The following CMYA5 variants were observed in gnomAD, a reference collection of about 807,000 sequenced individuals.
CMYA5 encodes the protein cardiomyopathy associated 5, also known as cardiomyopathy-associated protein 5.
A neutral mutation model predicts 318.9 loss-of-function variants in CMYA5; 246 were observed. The ratio of observed to expected loss-of-function variants is 0.77; its 90% CI spans 0.70 to 0.86. The LOEUF is 0.86. CMYA5 is among the 40% of genes least tolerant of loss of function. CMYA5 has a pLI of 0.00. For synonymous variants in CMYA5, 1,641 were observed against 1,729.5 expected (o/e 0.95, Z 1.27); for missense variants, 4,589 against 4,678.2 (o/e 0.98, Z 0.56).
At chr5:79,727,820 A>G (rs1480514939) in intron 1 of CMYA5, among the ~76,000 whole-genome samples, 1 of 152,188 alleles carries the variant, frequency 6.6e-6, no homozygotes, top group Non-Finnish European at 1.5e-5. Flanking sequence ...ATGGGGGCCC[A>G]ATAGCAAATG....
At chr5:79,691,546 A>G (rs1342661147) in intron 1 of CMYA5, among the ~76,000 whole-genome samples, 1 of 152,212 alleles carries the variant, frequency 6.6e-6, no homozygotes, top group Non-Finnish European at 1.5e-5. Context: ...GACACCAGGG[A>G]AAGAGGTCAG....
Position 79,738,635 on chromosome 5 carries a change from C to T in CMYA5, c.9870C>T (p.Cys3290=). Reference sequence around the variant, plus strand: ...TTTGGGGAAAGTTTGGAACTATTTGCAGGGAGAAGAGTCTGGAAGAACAGA... The same window carrying T: ...TTTGGGGAAAGTTTGGAACTATTTGTAGGGAGAAGAGTCTGGAAGAACAGA... The part of the protein sequence containing the change: ...GEIWGKFGTI[C]REKSLEEQKG... Residue 3290 remains cysteine, a synonymous_variant, in exon 2 of 13, where the codon TGC becomes TGT. Coordinates refer to ENST00000446378, the MANE Select transcript of CMYA5 (RefSeq NM_153610.5). 3 of 1,613,778 alleles carry T rather than the reference C, an allele frequency of 1.9e-6. No individual in the cohort carries two copies. Among genetic ancestry groups the T allele is most frequent in the Middle Eastern group, 1.6e-4 (1 of 6,062 alleles).
At chr5:79,769,707 C>A (rs896414939) in intron 9 of CMYA5, among the ~76,000 whole-genome samples, 17 of 152,176 alleles carry the variant, frequency 1.1e-4, no homozygotes, top group Non-Finnish European at 1.2e-4. Flanking sequence ...CAGATGCCAG[C>A]TGGAGTTCTC....
Position 79,739,377 on chromosome 5 carries a change from C to T in CMYA5, c.10612C>T (p.Leu3538Phe). The change falls in exon 2 of 13, where the codon CTT (leucine) becomes TTT (phenylalanine). Residue 3538 changes from leucine to phenylalanine, a missense_variant. Leu to Phe is a conservative substitution (Grantham distance 22). This residue lies in a region of CMYA5 where 2,431 missense variants were observed against 2,495.1 expected (regional missense o/e 0.97). Coordinates refer to ENST00000446378, the MANE Select transcript of CMYA5 (RefSeq NM_153610.5). Reference protein sequence around the residue: ...GTHKDHEVSTLDTAISAVKVQ... With the variant: ...GTHKDHEVSTFDTAISAVKVQ... ...CCACAAAGACCATGAAGTTTCAACG[C>T]TTGACACAGCTATAAGTGCTGTAAA... is the stretch of plus-strand genomic sequence containing the variant. The T allele has an allele frequency of 6.5e-7, 1 of 1,550,122 alleles. No individual in the cohort carries two copies. Among genetic ancestry groups the T allele is most frequent in the Non-Finnish European group, 8.7e-7 (1 of 1,147,756 alleles).
intron 1 of CMYA5, among the ~76,000 whole-genome samples, chr5:79,690,279 C>T (rs1826941509): frequency 6.6e-6 from 1 of 152,200 alleles, no homozygotes; most frequent in African/African-American, 2.4e-5. Flanking sequence ...CCCCCAGCTC[C>T]TTGTGACTCG....
intron 1 of CMYA5, among the ~76,000 whole-genome samples, chr5:79,706,334 A>G (rs1480776997): frequency 6.6e-6 from 1 of 152,220 alleles, no homozygotes; most frequent in Non-Finnish European, 1.5e-5. Context: ...TAGTGTGTGC[A>G]TCTGTAATTT....
rs114648445 is a variant in CMYA5 at position 79,729,769 on chromosome 5, C to T, written c.1004C>T (p.Thr335Ile). 5.3e-3 allele frequency: 8,595 copies of T among 1,613,898 alleles called. 45 individuals carry two copies. The highest frequency in any genetic ancestry group is 6.7e-3 in the Non-Finnish European group (7,868 of 1,179,802). ...TATGCTGATTCTCCCCTAAATGCCA[C>T]ATCTGCATTGGAGCACACAGTTCCC... is the stretch of plus-strand genomic sequence containing the variant. ...KIYADSPLNA[T>I]SALEHTVPSY... is the part of the protein sequence containing the mutation. The change falls in exon 2 of 13, where the codon ACA (threonine) becomes ATA (isoleucine). Residue 335 changes from threonine (T) to isoleucine (I), a missense_variant. Thr to Ile is a moderately conservative substitution (Grantham distance 89). Transcript: ENST00000446378.
rs1828051607 is a variant in CMYA5, at chr5:79,735,876, A to T, written c.7111A>T (p.Lys2371Ter). 4 of 1,577,928 alleles carry T rather than the reference A, an allele frequency of 2.5e-6. No homozygotes were observed. Among genetic ancestry groups the T allele is most frequent in the Non-Finnish European group, 3.4e-6 (4 of 1,168,712 alleles). The change falls in exon 2 of 13, where the codon AAA becomes TAA. Residue 2371 changes from lysine (K) to a stop codon, truncating the protein, a stop_gained. Transcript: ENST00000446378. LOFTEE classifies it high-confidence loss of function. ...TAAGGAAGAGCCAAGAAGTGATCAA[A>T]AACAAAAATCACTCCTTTCATTTGA... ...IFKEEPRSDQ[K>*]QKSLLSFDVV...
At chr5:79,766,998 A>C (rs1828766895) in intron 9 of CMYA5, among the ~76,000 whole-genome samples, 2 of 152,186 alleles carry the variant, frequency 1.3e-5, no homozygotes, top group Admixed American at 6.5e-5. Context: ...TTATTGGTCT[A>C]TTCAGGGATT....
At position 79,732,199 on chromosome 5, in the gene CMYA5, C is replaced by G. The variant is rs767697972; in HGVS notation, c.3434C>G (p.Ser1145Ter). The change falls in exon 2 of 13, where the codon TCA becomes TGA. Residue 1145 changes from serine to a stop codon, truncating the protein, a stop_gained. Transcript: ENST00000446378. LOFTEE classifies it high-confidence loss of function. ...AAGGGAGAAAGGGAGGCAAGTTCAT[C>G]AGTAGCTGCAATACCTGCTGCTTTA... Reference protein sequence around the residue: ...VEKGEREASSSVAAIPAALPA... With the variant: ...VEKGEREASS 6.2e-7 allele frequency: 1 copy of G among 1,613,948 alleles called. No individual in the cohort carries two copies. Among genetic ancestry groups the G allele is most frequent in the Admixed American group, 1.7e-5 (1 of 59,992 alleles).
At chr5:79,768,728 T>G (rs975484498) in intron 9 of CMYA5, among the ~76,000 whole-genome samples, 22 of 151,950 alleles carry the variant, frequency 1.4e-4, no homozygotes, top group African/African-American at 5.1e-4. Flanking sequence ...TCCTTAACAT[T>G]GTTTCCTTCA....
In CMYA5 at chr5:79,743,832, A is replaced by T; in HGVS notation, c.10644A>T (p.Gln3548His). ...LDTAISAVKVQLAEFLENLQE... is the reference protein window; with the variant it reads ...LDTAISAVKVHLAEFLENLQE... ...ATCTTAATTCTTTTCTTCAGGTTCA[A>T]TTAGCAGAATTTCTAGAAAATTTAC... Residue 3548 changes from glutamine (Q) to histidine (H), a missense_variant, in exon 3 of 13, where the codon CAA becomes CAT. Around this residue, in one of 3 missense-constraint regions of CMYA5, gnomAD observed 2,431 missense variants for 2,495.1 expected, o/e 0.97. Transcript: ENST00000446378. 6.6e-7 allele frequency: 1 copy of T among 1,519,080 alleles called. No homozygotes were observed. The allele number at this position is 1,519,080 out of a possible 1,614,324, so 94.1% of individuals were successfully genotyped here.
In CMYA5 at chr5:79,731,906, A is replaced by T; in HGVS notation, c.3141A>T (p.Gly1047=). 2 of 1,613,506 alleles carry T rather than the reference A, an allele frequency of 1.2e-6. No homozygotes were observed. Among genetic ancestry groups the T allele is most frequent in the Non-Finnish European group, 1.7e-6 (2 of 1,179,766 alleles). The change falls in exon 2 of 13, where the codon GGA becomes GGT. Residue 1047 remains glycine (G), a synonymous_variant. Transcript: ENST00000446378. The part of the protein sequence containing the change: ...CFSEADEEDI[G]STAATPVSEQ... Reference sequence around the variant, plus strand: ...CAGAAGCAGATGAGGAAGACATTGGATCCACAGCTGCTACACCTGTATCTG... The same window carrying T: ...CAGAAGCAGATGAGGAAGACATTGGTTCCACAGCTGCTACACCTGTATCTG...
chr5:79,737,884 C>T lies in CMYA5; in HGVS notation c.9119C>T (p.Ser3040Leu). Reference sequence around the variant, plus strand: ...TCCACAGATTCAGAAACTGATTTATCATTTATTCAGCCCACAATTCCCAGT... The same window carrying T: ...TCCACAGATTCAGAAACTGATTTATTATTTATTCAGCCCACAATTCCCAGT... Reference protein sequence around the residue: ...EISTDSETDLSFIQPTIPSEE... With the variant: ...EISTDSETDLLFIQPTIPSEE... The change falls in exon 2 of 13, where the codon TCA becomes TTA. Residue 3040 changes from serine to leucine, a missense_variant. Physicochemically the swap from Ser to Leu is moderately radical, Grantham distance 145. Around this residue, in one of 3 missense-constraint regions of CMYA5, gnomAD observed 2,431 missense variants for 2,495.1 expected, o/e 0.97. Coordinates refer to ENST00000446378, the MANE Select transcript of CMYA5 (RefSeq NM_153610.5). 7.5e-6 allele frequency: 12 copies of T among 1,601,068 alleles called. No homozygotes were observed. The highest frequency in any genetic ancestry group is 1.0e-5 in the Non-Finnish European group (12 of 1,176,720).
At chr5:79,793,771 ACT>A (rs928948450) in intron 12 of CMYA5, among the ~76,000 whole-genome samples, 161 bp downstream of exon 12, 8 of 152,082 alleles carry the variant, frequency 5.3e-5, no homozygotes, top group African/African-American at 1.7e-4. Context: ...TGAAACTCTG[ACT>A]CTGATTACTG....
chr5:79,713,330 A>G (rs993775195), intron 1 of CMYA5, among the ~76,000 whole-genome samples: 3 of 114,562 alleles, frequency 2.6e-5, no homozygotes, highest in African/African-American at 1.0e-4. Context: ...ACAAAGAATT[A>G]TCTTAGCTCC....
intron 7 of CMYA5, among the ~76,000 whole-genome samples, chr5:79,760,813 T>C (rs1828636783): frequency 6.6e-6 from 1 of 152,146 alleles, no homozygotes; most frequent in Admixed American, 6.5e-5. Context: ...AGACACAGAT[T>C]CTGGGATATG....
At position 79,729,850 on chromosome 5, in the gene CMYA5, C is replaced by A; in HGVS notation, c.1085C>A (p.Ser362Ter). 6.2e-7 allele frequency: 1 copy of A among 1,612,598 alleles called. No homozygotes were observed. Among genetic ancestry groups the A allele is most frequent in the South Asian group, 1.1e-5 (1 of 90,850 alleles). The change falls in exon 2 of 13, where the codon TCA (serine) becomes TAA (stop). Residue 362 changes from serine (S) to a stop codon, truncating the protein, a stop_gained. Transcript: ENST00000446378. LOFTEE classifies it high-confidence loss of function. ...GGAATACAGCTCAGGCATTCACAGT[C>A]AGTGCCACAACAGCCAGAAGATGAA... ...EQGIQLRHSQ[S>*]VPQQPEDEAK...
intron 9 of CMYA5, among the ~76,000 whole-genome samples, chr5:79,777,072 A>G (rs1357629277): frequency 6.6e-6 from 1 of 152,198 alleles, no homozygotes; most frequent in Non-Finnish European, 1.5e-5. Context: ...TGGAGAAGCT[A>G]CTTTACAGGG....
Sources: allele counts gnomAD v4.1 joint callset (sites outside exome capture counted in the v4.1 genomes callset), GRCh38; gene constraint gnomAD v4.1.1; regional missense constraint gnomAD v4.1.1; transcripts MANE v1.5; gene names NCBI Gene and HGNC (gene_info 2026-07-23, HGNC 2026-07-21).